Variants in GPD2 observed in about 807,000 individuals in gnomAD.
GPD2 encodes glycerol-3-phosphate dehydrogenase 2.
GPD2 carries 54 observed loss-of-function variants against 82.4 expected under a neutral mutation model. That is an observed-to-expected ratio of 0.66 (90% CI 0.53 to 0.82). GPD2 has a LOEUF of 0.82. GPD2 is among the 40% of genes least tolerant of loss of function. The pLI is 0.00. For missense variants in GPD2, 748 were observed against 896.2 expected, an observed-to-expected ratio of 0.83 and a Z score of 2.11; for synonymous variants, 288 against 306.1, an observed-to-expected ratio of 0.94 and a Z score of 0.62.
At chr2:156,403,612 G>GGTGTGTGTGTGTGTGT in the GPD2 span, among the ~76,000 whole-genome samples, 77 of 147,924 alleles carry the variant, frequency 5.2e-4, no homozygotes, top group African/African-American at 1.6e-3. Context: ...GCATTCAAAG[G>GGTGTGTGTGTGTGTGT]GTGTGTGTGT....
At chr2:156,451,267 GAC>G (rs1682558696) in intron 1 of GPD2, among the ~76,000 whole-genome samples, 1 of 151,330 alleles carries the variant, frequency 6.6e-6, no homozygotes, top group Non-Finnish European at 1.5e-5. Flanking sequence ...TCACCTCCCG[GAC>G]GGGGCAGCTG....
At position 156,550,529 on chromosome 2, in the gene GPD2, G is replaced by T. The variant is rs1573990898; in HGVS notation, c.827-73G>T. On this transcript the variant is annotated intron_variant, in intron 7 of 16. Transcript: ENST00000438166. ...TTCACCATGGGTTAAGTTAATAGAT[G>T]AATTAGTAATACACAGCATCCGTTA... The T allele has an allele frequency of 4.2e-6, 6 of 1,437,226 alleles. No individual in the cohort carries two copies. In the East Asian group the frequency reaches 1.1e-4, roughly 27 times the overall value. The allele number at this position is 1,437,226 out of a possible 1,614,324, so 89.0% of individuals were successfully genotyped here. A position where few individuals can be genotyped will look rare whatever the true frequency, so the allele number is the denominator to read the frequency against.
intron 2 of GPD2, among the ~76,000 whole-genome samples, chr2:156,484,556 A>G (rs1683865824): frequency 6.6e-6 from 1 of 151,880 alleles, no homozygotes; most frequent in Non-Finnish European, 1.5e-5. Context: ...TCTTTCCTTG[A>G]TGGCCAGTTG....
At chr2:156,513,755 G>A (rs1302563260) in intron 6 of GPD2, among the ~76,000 whole-genome samples, 1 of 151,876 alleles carries the variant, frequency 6.6e-6, no homozygotes, top group Admixed American at 6.6e-5. Context: ...GGTTGGTTTG[G>A]TCCATTTCTC....
intron 1 of GPD2, among the ~76,000 whole-genome samples, chr2:156,466,978 T>A (rs1683171504): frequency 6.6e-6 from 1 of 152,224 alleles, no homozygotes; most frequent in Non-Finnish European, 1.5e-5. Context: ...GTTGGTTTGC[T>A]TCTAAAATGA....
intron 6 of GPD2, among the ~76,000 whole-genome samples, chr2:156,522,984 G>A (rs530584166): frequency 6.6e-6 from 1 of 151,726 alleles, no homozygotes; most frequent in East Asian, 1.9e-4. Context: ...GAAAGGTACA[G>A]AGACTTCCTC....
intron 16 of GPD2, among the ~76,000 whole-genome samples, chr2:156,580,536 A>G (rs1687990243): frequency 6.6e-6 from 1 of 152,200 alleles, no homozygotes; most frequent in Admixed American, 6.5e-5. Context: ...CCAAGCAGCT[A>G]GGTTTTTTTC....
At chr2:156,474,681 A>G (rs921220395) in intron 1 of GPD2, among the ~76,000 whole-genome samples, 5 of 152,212 alleles carry the variant, frequency 3.3e-5, no homozygotes, top group Non-Finnish European at 7.3e-5. Context: ...TTTTTATGCA[A>G]TCTTCTTAGT....
intron 1 of GPD2, among the ~76,000 whole-genome samples, chr2:156,451,914 C>T (rs941778078): frequency 6.8e-6 from 1 of 147,584 alleles, no homozygotes; most frequent in East Asian, 2.1e-4. Flanking sequence ...ACCTCCCAGA[C>T]GGGGTCGCGG....
At position 156,557,120 on chromosome 2, in the gene GPD2, T is replaced by TG. The variant is rs1573998008; in HGVS notation, c.972-269_972-268insG. Among the ~76,000 whole-genome samples, 3 of 152,336 alleles carry TG rather than the reference T, an allele frequency of 2.0e-5. No individual in the cohort carries two copies. In the East Asian group the frequency reaches 5.8e-4, roughly 29 times the overall value. On this transcript the variant is annotated intron_variant, in intron 8 of 16. Coordinates refer to ENST00000438166, the MANE Select transcript of GPD2 (RefSeq NM_000408.5). ...AGTAGGAAGTTGAAGCCCACTTTCT[T>TG]AATTAGCCTTGCATTGTTGAAGTGG...
chr2:156,434,692 C>T (rs1174353106), upstream of GPD2, among the ~76,000 whole-genome samples: 2 of 152,146 alleles, frequency 1.3e-5, no homozygotes, highest in Non-Finnish European at 2.9e-5. Context: ...TTTTTCTTTT[C>T]TCAACTACAA....
chr2:156,436,050 C>T (rs1275230621), upstream of GPD2, among the ~76,000 whole-genome samples: 2 of 152,220 alleles, frequency 1.3e-5, no homozygotes, highest in Non-Finnish European at 2.9e-5. Context: ...GCGTGTGGCG[C>T]TGCGCGACCC....
intron 4 of GPD2, 150 bp from the exon 5 acceptor site, chr2:156,512,070 G>A: frequency 1.5e-6 from 1 of 663,900 alleles, no homozygotes; most frequent in Non-Finnish European, 2.8e-6. Context: ...ACAGCATGAT[G>A]TATTATTAGA....
chr2:156,565,461 C>A (rs1687354534), intron 9 of GPD2, among the ~76,000 whole-genome samples: 1 of 152,088 alleles, frequency 6.6e-6, no homozygotes. Context: ...CAGATTAAAT[C>A]TATTTAAGAG....
chr2:156,547,903 TA>T (rs1174479076), intron 6 of GPD2, among the ~76,000 whole-genome samples: 2 of 152,256 alleles, frequency 1.3e-5, no homozygotes, highest in African/African-American at 4.8e-5. Context: ...ATTTAGGATT[TA>T]AAATATTTCA....
chr2:156,497,971 G>A (rs539791864), intron 3 of GPD2, among the ~76,000 whole-genome samples: 1 of 152,244 alleles, frequency 6.6e-6, no homozygotes, highest in African/African-American at 2.4e-5. Flanking sequence ...GAAAGAAGGT[G>A]GAAAGAGGGG....
At chr2:156,514,429 A>G (rs1264825517) in intron 6 of GPD2, among the ~76,000 whole-genome samples, 1 of 150,644 alleles carries the variant, frequency 6.6e-6, no homozygotes, top group Non-Finnish European at 1.5e-5. Flanking sequence ...CCGTTGTATT[A>G]TCTTTTCTAT....
Position 156,437,120 on chromosome 2 carries a change from A to G in GPD2, c.-9+607A>G, listed in dbSNP as rs1332549268. On this transcript the variant is annotated intron_variant, in intron 1 of 16. Transcript: ENST00000438166. The stretch of plus-strand genomic sequence containing the variant: ...TTCACTCCCAGAAGAGTTCCAGAGT[A>G]ATTTACAAACACAAATTCTTGCAAA... Among the ~76,000 whole-genome samples, 3 of 152,348 alleles carry G rather than the reference A, an allele frequency of 2.0e-5. No individual in the cohort carries two copies. The East Asian group carries it at 5.8e-4, about 29-fold the overall frequency.
intron 6 of GPD2, among the ~76,000 whole-genome samples, chr2:156,547,305 C>T (rs1315252396): frequency 1.3e-5 from 2 of 152,184 alleles, no homozygotes; most frequent in African/African-American, 4.8e-5. Context: ...GGGAGACTTT[C>T]TGCATCCCTC....
Sources: allele counts gnomAD v4.1 joint callset (sites outside exome capture counted in the v4.1 genomes callset), GRCh38; gene constraint gnomAD v4.1.1; transcripts MANE v1.5; gene names NCBI Gene and HGNC (gene_info 2026-07-23, HGNC 2026-07-21).